Variants in PTPRO observed in about 807,000 individuals in gnomAD.
PTPRO encodes the protein protein tyrosine phosphatase receptor type O, also known as receptor-type tyrosine-protein phosphatase O.
In PTPRO, 62 loss-of-function variants were observed where a neutral mutation model predicts 145.2. That is an observed-to-expected ratio of 0.43 (90% CI 0.35 to 0.53). PTPRO has a LOEUF of 0.53. PTPRO is among the 20% of genes least tolerant of loss of function. PTPRO has a pLI of 0.01. For missense variants in PTPRO, 1,345 were observed against 1,482.7 expected (o/e 0.91, Z 1.53); for synonymous variants, 565 against 514.7 (o/e 1.10, Z -1.32).
At chr12:15,419,786 G>C (rs1244643604) in intron 1 of PTPRO, among the ~76,000 whole-genome samples, 1 of 150,822 alleles carries the variant, frequency 6.6e-6, no homozygotes, top group South Asian at 2.1e-4. Flanking sequence ...GACAGAATTT[G>C]TCGAGATTAC....
chr12:15,490,503 TC>T (rs1243595275), intron 2 of PTPRO, among the ~76,000 whole-genome samples: 1 of 152,186 alleles, frequency 6.6e-6, no homozygotes, highest in Non-Finnish European at 1.5e-5. Flanking sequence ...GAAATACTAT[TC>T]TTTTGTTTAG....
chr12:15,557,335 T>G (rs751783682), intron 15 of PTPRO, 120 bp from the exon 16 acceptor site: 419 of 965,268 alleles, frequency 4.3e-4, no homozygotes, highest in Non-Finnish European at 6.0e-4. Context: ...TGGCCTAGCT[T>G]CTTCTTTTTT....
chr12:15,481,731 A>G (rs760670814), intron 1 of PTPRO, among the ~76,000 whole-genome samples: 3 of 152,242 alleles, frequency 2.0e-5, no homozygotes, highest in Non-Finnish European at 2.9e-5. Context: ...TTTATGCCAG[A>G]CATTCTTTAT....
intron 26 of PTPRO, chr12:15,595,299 T>A (rs1443591132): frequency 2.1e-6 from 1 of 480,584 alleles, no homozygotes; most frequent in African/African-American, 2.0e-5. Context: ...CACATCATGA[T>A]GACTTTACCT....
At position 15,526,949 on chromosome 12, in the gene PTPRO, T is replaced by C. The variant is rs1420048970; in HGVS notation, c.2164+687T>C. ...CTAAACAAGCATAGATACAGGTAGATACTAGAATAAAAACTAGAGTTAAAA... is the reference window on the plus strand; with the variant it reads ...CTAAACAAGCATAGATACAGGTAGACACTAGAATAAAAACTAGAGTTAAAA... On this transcript the variant is annotated intron_variant, in intron 12 of 26. Transcript: ENST00000281171. 2.6e-5 allele frequency among the ~76,000 whole-genome samples: 4 copies of C among 152,100 alleles called. No individual in the cohort carries two copies. In the East Asian group the frequency reaches 7.7e-4, roughly 29 times the overall value.
chr12:15,587,725 C>G (rs1248601719), intron 24 of PTPRO, among the ~76,000 whole-genome samples: 1 of 152,210 alleles, frequency 6.6e-6, no homozygotes. Context: ...CAAAATCTAT[C>G]TCTGTGATAC....
intron 12 of PTPRO, among the ~76,000 whole-genome samples, chr12:15,541,020 A>G (rs890382029): frequency 1.8e-4 from 28 of 152,258 alleles, no homozygotes; most frequent in African/African-American, 5.5e-4. Flanking sequence ...TTAAAAGCAA[A>G]CAACCCTATA....
intron 1 of PTPRO, among the ~76,000 whole-genome samples, chr12:15,407,424 T>C (rs1033132499): frequency 6.6e-6 from 1 of 152,192 alleles, no homozygotes; most frequent in South Asian, 2.1e-4. Context: ...CCTAGTGCAG[T>C]GTCTAATTCT....
intron 14 of PTPRO, among the ~76,000 whole-genome samples, chr12:15,549,852 G>T (rs1377585516): frequency 2.0e-5 from 3 of 152,104 alleles, no homozygotes; most frequent in Middle Eastern, 3.2e-3. Context: ...TTCCATTTCT[G>T]TAATATTAGT....
intron 2 of PTPRO, among the ~76,000 whole-genome samples, chr12:15,493,132 A>ATTC (rs1217124658): frequency 6.6e-6 from 1 of 152,212 alleles, no homozygotes; most frequent in African/African-American, 2.4e-5. Context: ...AGGAATGACT[A>ATTC]TTCTACTGAC....
chr12:15,486,652 C>CA (rs1941894091), intron 2 of PTPRO, among the ~76,000 whole-genome samples: 1 of 151,830 alleles, frequency 6.6e-6, no homozygotes, highest in African/African-American at 2.4e-5. Context: ...CCATTATATT[C>CA]AAAATATTAT....
chr12:15,588,504 G>A (rs959791401), intron 24 of PTPRO, among the ~76,000 whole-genome samples: 2 of 152,136 alleles, frequency 1.3e-5, no homozygotes, highest in African/African-American at 2.4e-5. Context: ...TCTGTGCCCC[G>A]AGCATTGGGA....
At chr12:15,413,373 T>C (rs1939856651) in intron 1 of PTPRO, among the ~76,000 whole-genome samples, 1 of 152,208 alleles carries the variant, frequency 6.6e-6, no homozygotes, top group South Asian at 2.1e-4. Flanking sequence ...GCTGGGATTA[T>C]AGGCTTGAAC....
At chr12:15,483,871 T>A in intron 1 of PTPRO, 103 bp from the exon 2 acceptor site, 1 of 1,251,194 alleles carries the variant, frequency 8.0e-7, no homozygotes, top group Non-Finnish European at 1.1e-6. Flanking sequence ...ACATAACTAA[T>A]GTTTATGATA....
intron 1 of PTPRO, among the ~76,000 whole-genome samples, chr12:15,451,083 A>G (rs530883744): frequency 6.6e-6 from 1 of 152,276 alleles, no homozygotes; most frequent in South Asian, 2.1e-4. Context: ...TGCTGCCTTC[A>G]AGAGACTCAC....
intron 1 of PTPRO, among the ~76,000 whole-genome samples, chr12:15,350,681 T>C (rs1308242893): frequency 1.3e-5 from 2 of 152,226 alleles, no homozygotes. Context: ...CTGGTTACTT[T>C]ACTAGAAAGG....
rs145955491 is a variant in PTPRO at position 15,483,129 on chromosome 12, C to T, written c.76-845C>T. The stretch of plus-strand genomic sequence containing the variant: ...CAGTGCAGTGAATAACTTACTCACC[C>T]GGGACACTACATACCTAGAAGATAA... On this transcript the variant is annotated intron_variant, in intron 1 of 26. Coordinates refer to ENST00000281171, the MANE Select transcript of PTPRO (RefSeq NM_030667.3). Among the ~76,000 whole-genome samples, 628 of 152,074 alleles carry T rather than the reference C, an allele frequency of 4.1e-3. 5 individuals carry two copies. Among genetic ancestry groups the T allele is most frequent in the African/African-American group, 0.014 (592 of 41,478 alleles).
chr12:15,482,033 T>C (rs941206661), intron 1 of PTPRO, among the ~76,000 whole-genome samples: 5 of 152,072 alleles, frequency 3.3e-5, no homozygotes, highest in African/African-American at 1.2e-4. Flanking sequence ...AGGAAATCAG[T>C]ATGTTGACGA....
At chr12:15,543,855 T>C (rs1262392259) in intron 12 of PTPRO, among the ~76,000 whole-genome samples, 6 of 152,192 alleles carry the variant, frequency 3.9e-5, no homozygotes, top group African/African-American at 1.4e-4. Context: ...AGCATACTGA[T>C]TGAAGGCAAA....
Sources: allele counts gnomAD v4.1 joint callset (sites outside exome capture counted in the v4.1 genomes callset), GRCh38; gene constraint gnomAD v4.1.1; transcripts MANE v1.5; gene names NCBI Gene and HGNC (gene_info 2026-07-23, HGNC 2026-07-21).